Variants in SH3PXD2B observed in about 807,000 individuals in gnomAD.
SH3PXD2B encodes SH3 and PX domains 2B, also known as SH3 and PX domain-containing protein 2B.
In SH3PXD2B, 37 loss-of-function variants were observed where a neutral mutation model predicts 73.1. The observed-to-expected ratio is 0.51, with a 90% CI of 0.39 to 0.67. SH3PXD2B has a LOEUF of 0.67. Among genes scored for constraint, SH3PXD2B ranks in the 30% least tolerant of loss-of-function variants. The pLI is 0.00. For synonymous variants in SH3PXD2B, 457 were observed against 480.5 expected (o/e 0.95, Z 0.64); for missense variants, 1,053 against 1,197.8 (o/e 0.88, Z 1.78).
At position 172,337,469 on chromosome 5, in the gene SH3PXD2B, C is replaced by T. The variant is rs999777612; in HGVS notation, c.*900G>A. 10 of 984,844 alleles carry T rather than the reference C, an allele frequency of 1.0e-5. No individual in the cohort carries two copies. The highest frequency in any genetic ancestry group is 1.2e-5 in the Non-Finnish European group (10 of 829,426). 61.0% of individuals were successfully genotyped at this position (984,844 alleles called of 1,614,324 possible). A position where few individuals can be genotyped will look rare whatever the true frequency, so the allele number is the denominator to read the frequency against. On this transcript the variant is annotated 3_prime_UTR_variant, in exon 13 of 13. Transcript: ENST00000311601. The stretch of plus-strand genomic sequence containing the variant: ...AGGGTCAAAGCATGAATGCAAAGCG[C>T]CAAGTACAGTGTTTGGCACCCACGA...
Position 172,418,112 on chromosome 5 carries a change from G to T in SH3PXD2B, c.156+4304C>A, listed in dbSNP as rs551372594. Reference sequence around the variant, plus strand: ...AGCTAAAAGTGTGGATACTGGGGTCGCCTGCCAGCTTCCAATCTGAGCTCT... The same window carrying T: ...AGCTAAAAGTGTGGATACTGGGGTCTCCTGCCAGCTTCCAATCTGAGCTCT... On this transcript the variant is annotated intron_variant, in intron 2 of 12. Transcript: ENST00000311601. Among the ~76,000 whole-genome samples the T allele has an allele frequency of 7.3e-5, 11 of 151,084 alleles. No homozygotes were observed. The South Asian group carries it at 1.5e-3, about 20-fold the overall frequency.
rs1204869376 is a variant in SH3PXD2B at position 172,445,354 on chromosome 5, G to A, written c.75+8924C>T. 1.3e-5 allele frequency among the ~76,000 whole-genome samples: 2 copies of A among 152,204 alleles called. No individual in the cohort carries two copies. The highest frequency in any genetic ancestry group is 1.3e-4 in the Admixed American group (2 of 15,284). On this transcript the variant is annotated intron_variant, in intron 1 of 12. Coordinates refer to ENST00000311601, the MANE Select transcript of SH3PXD2B (RefSeq NM_001017995.3). The surrounding 1 kb of genome is among the most constrained non-coding windows in gnomAD (Gnocchi z 5.2). ...CTCTCAAGTAGCTGGGATTGCAGGC[G>A]AGAATCATCACACCCAGCTAATTTT...
At chr5:172,359,009 GAACACAA>G in intron 7 of SH3PXD2B, 132 bp from the exon 8 acceptor site, 1 of 847,324 alleles carries the variant, frequency 1.2e-6, no homozygotes, top group Non-Finnish European at 1.9e-6. Context: ...TTTATTGGTA[GAACACAA>G]CTACCAATGT....
chr5:172,372,080 A>C (rs1757717473), intron 6 of SH3PXD2B, among the ~76,000 whole-genome samples: 1 of 152,194 alleles, frequency 6.6e-6, no homozygotes, highest in Non-Finnish European at 1.5e-5. Flanking sequence ...AGTTGACCAC[A>C]GGGCCCGTAC....
intron 1 of SH3PXD2B, among the ~76,000 whole-genome samples, chr5:172,439,688 G>GCACACACA (rs1166130299): frequency 0.011 from 1,120 of 104,068 alleles, 12 homozygotes; most frequent in Admixed American, 0.017. Context: ...GCGCGCACGC[G>GCACACACA]CGCGCACACA....
chr5:172,454,436 C>G lies in SH3PXD2B; in HGVS notation c.-84G>C, dbSNP rs1281925027. On this transcript the variant is annotated 5_prime_UTR_variant, in exon 1 of 13. Coordinates refer to ENST00000311601, the MANE Select transcript of SH3PXD2B (RefSeq NM_001017995.3). ...AGCGCTGGGGGCGCGCCGCCGCGGG[C>G]AGGGAACCTGGAGCTGAGCGCAATC... The G allele has an allele frequency of 1.2e-6, 1 of 855,550 alleles. No homozygotes were observed. The highest frequency in any genetic ancestry group is 1.8e-5 in the African/African-American group (1 of 54,754). 53.0% of individuals were successfully genotyped at this position (855,550 alleles called of 1,614,324 possible).
At chr5:172,349,909 G>A (rs1451347736) in intron 10 of SH3PXD2B, among the ~76,000 whole-genome samples, 2 of 151,998 alleles carry the variant, frequency 1.3e-5, no homozygotes, top group Admixed American at 1.3e-4. Context: ...GAGCGCGAGT[G>A]CAATGGTGCA....
Position 172,347,761 on chromosome 5 carries a change from C to T in SH3PXD2B, c.1013-429G>A, listed in dbSNP as rs568506123. Among the ~76,000 whole-genome samples, 11 of 152,214 alleles carry T rather than the reference C, an allele frequency of 7.2e-5. No homozygotes were observed. The South Asian group carries it at 1.0e-3, about 14-fold the overall frequency. On this transcript the variant is annotated intron_variant, in intron 10 of 12. Coordinates refer to ENST00000311601, the MANE Select transcript of SH3PXD2B (RefSeq NM_001017995.3). ...GCATAATGTGTGTCACCCAGGGCAG[C>T]GGTGAGGATGAAAGGAAACATCTGT...
chr5:172,335,631 G>C lies in SH3PXD2B; in HGVS notation c.*2738C>G, dbSNP rs1279309867. 4 of 1,231,694 alleles carry C rather than the reference G, an allele frequency of 3.2e-6. No individual in the cohort carries two copies. In the African/African-American group the frequency reaches 6.2e-5, roughly 19 times the overall value. The allele number at this position is 1,231,694 out of a possible 1,614,324, so 76.3% of individuals were successfully genotyped here. On this transcript the variant is annotated 3_prime_UTR_variant, in exon 13 of 13. Transcript: ENST00000311601. ...GGTGCTTGGCACCATTGTCACGATG[G>C]GCCTGGACACTTTCTAGAGCCATGA...
At chr5:172,376,030 CT>C (rs371476674) in intron 5 of SH3PXD2B, among the ~76,000 whole-genome samples, 2,167 of 136,072 alleles carry the variant, frequency 0.016, 33 homozygotes, top group African/African-American at 0.051. Flanking sequence ...CATGTATCTT[CT>C]TTTTTTTTTT....
chr5:172,369,350 T>C (rs1432167324), intron 6 of SH3PXD2B, among the ~76,000 whole-genome samples: 1 of 152,158 alleles, frequency 6.6e-6, no homozygotes, highest in African/African-American at 2.4e-5. Context: ...AGACTGTATG[T>C]GGCCTATAAA....
In SH3PXD2B at chr5:172,339,183, T is replaced by A; in HGVS notation, c.1922A>T (p.Gln641Leu). Residue 641 changes from glutamine (Q) to leucine (L), a missense_variant, in exon 13 of 13, where the codon CAG becomes CTG. By Grantham distance (113) the Gln-to-Leu change is moderately radical. Around this residue, in one of 2 missense-constraint regions of SH3PXD2B, gnomAD observed 587 missense variants for 590.7 expected, o/e 0.99. Coordinates refer to ENST00000311601, the MANE Select transcript of SH3PXD2B (RefSeq NM_001017995.3). This position sits in a 1 kb window ranked among gnomAD's most constrained non-coding sequence, Gnocchi z 6.1. ...PQNPFLKSRPQVRPKPAPSPK... is the reference protein window; with the variant it reads ...PQNPFLKSRPLVRPKPAPSPK... ...GGAAGGAGCTGGTTTTGGCCTAACC[T>A]GAGGTCTGGACTTCAAGAAGGGATT... is the stretch of plus-strand genomic sequence containing the variant. 1 of 1,614,222 alleles carries A rather than the reference T, an allele frequency of 6.2e-7. No individual in the cohort carries two copies. Among genetic ancestry groups the A allele is most frequent in the Non-Finnish European group, 8.5e-7 (1 of 1,180,030 alleles).
At chr5:172,439,432 A>T (rs983838085) in intron 1 of SH3PXD2B, among the ~76,000 whole-genome samples, 1 of 152,108 alleles carries the variant, frequency 6.6e-6, no homozygotes, top group African/African-American at 2.4e-5. Context: ...TGGAGAGAAC[A>T]GTACCTACTT....
chr5:172,416,546 TC>T (rs1205347014), intron 2 of SH3PXD2B, among the ~76,000 whole-genome samples: 2 of 151,586 alleles, frequency 1.3e-5, no homozygotes, highest in African/African-American at 2.4e-5. Flanking sequence ...CAGGCTGGTA[TC>T]GAACTCCTGA....
At chr5:172,426,852 T>C (rs1759106558) in intron 1 of SH3PXD2B, among the ~76,000 whole-genome samples, 1 of 152,298 alleles carries the variant, frequency 6.6e-6, no homozygotes. Context: ...CGTGGCAACA[T>C]TTGAACCCCT....
chr5:172,435,532 C>T (rs937914302), intron 1 of SH3PXD2B, among the ~76,000 whole-genome samples: 28 of 152,178 alleles, frequency 1.8e-4, no homozygotes, highest in African/African-American at 6.5e-4. Flanking sequence ...AAACAATTCT[C>T]CAGCCTCAGC....
chr5:172,359,280 G>A (rs1293939759), intron 7 of SH3PXD2B, among the ~76,000 whole-genome samples: 3 of 150,404 alleles, frequency 2.0e-5, no homozygotes, highest in African/African-American at 4.9e-5. Flanking sequence ...CCAGCTACTC[G>A]GGAGGCTGAG....
intron 1 of SH3PXD2B, among the ~76,000 whole-genome samples, chr5:172,422,905 T>C (rs749771200): frequency 1.3e-4 from 20 of 152,160 alleles, no homozygotes; most frequent in Non-Finnish European, 2.5e-4. Context: ...TCTTATATCT[T>C]CCACAGGCCA....
At chr5:172,368,728 T>C (rs1452697675) in intron 6 of SH3PXD2B, among the ~76,000 whole-genome samples, 1 of 97,792 alleles carries the variant, frequency 1.0e-5, no homozygotes, top group Non-Finnish European at 1.9e-5. Context: ...ATATAAAATA[T>C]ATATTTAATA....
Sources: allele counts gnomAD v4.1 joint callset (sites outside exome capture counted in the v4.1 genomes callset), GRCh38; gene constraint gnomAD v4.1.1; regional missense constraint gnomAD v4.1.1; non-coding constraint Gnocchi (gnomAD v3.1); transcripts MANE v1.5; gene names NCBI Gene and HGNC (gene_info 2026-07-23, HGNC 2026-07-21).